Variants in TCF25 observed in about 807,000 individuals in gnomAD.
TCF25 encodes ribosome quality control complex subunit TCF25.
TCF25 carries 41 observed loss-of-function variants against 83.1 expected under a neutral mutation model. That is an observed-to-expected ratio of 0.49 (90% CI 0.38 to 0.64). The LOEUF (loss-of-function observed/expected upper bound fraction) is 0.64, where lower values mean the gene tolerates loss of function less well. TCF25 is among the 30% of genes least tolerant of loss of function. The pLI is 0.00. For missense variants in TCF25, 979 were observed against 914.5 expected (o/e 1.07, Z -0.91); for synonymous variants, 458 against 365.0 (o/e 1.25, Z -2.90).
chr16:89,875,079 AAC>A (rs2042074772), intron 1 of TCF25, among the ~76,000 whole-genome samples: 1 of 152,180 alleles, frequency 6.6e-6, no homozygotes, highest in Non-Finnish European at 1.5e-5. Flanking sequence ...AGCTCACTGC[AAC>A]CTTGAACTCC....
At chr16:89,892,331 C>A (rs1279590858) in intron 6 of TCF25, 56 bp downstream of exon 6, 40 of 1,545,276 alleles carry the variant, frequency 2.6e-5, no homozygotes, top group Non-Finnish European at 3.4e-5. Flanking sequence ...TGTCTGTGCA[C>A]TGGCCCCGGT....
intron 12 of TCF25, 123 bp from the exon 13 acceptor site, chr16:89,903,995 C>T: frequency 1.0e-6 from 1 of 973,684 alleles, no homozygotes; most frequent in Non-Finnish European, 1.5e-6. Context: ...GCCCTGCAGA[C>T]TCTCCACCTT....
rs1370751340 is a variant in TCF25 at position 89,908,940 on chromosome 16, G to C, written c.1799+1618G>C. 6 of 1,289,392 alleles carry C rather than the reference G, an allele frequency of 4.7e-6. No individual in the cohort carries two copies. The Admixed American group carries it at 1.1e-4, about 25-fold the overall frequency. The allele number at this position is 1,289,392 out of a possible 1,614,324, so 79.9% of individuals were successfully genotyped here. ...CCAGATGCTGAGAGATGGGGCTCAG[G>C]GCTAAGTGGGTCTTTCCCCTCACAG... On this transcript the variant is annotated intron_variant, in intron 16 of 17. Transcript: ENST00000263346.
intron 1 of TCF25, among the ~76,000 whole-genome samples, chr16:89,876,927 TAAAA>T (rs71137687): frequency 5.9e-5 from 4 of 68,006 alleles, no homozygotes; most frequent in Non-Finnish European, 7.9e-5. Flanking sequence ...AGACTCCATC[TAAAA>T]AAAAAAAAAA....
intron 15 of TCF25, 103 bp downstream of exon 15, chr16:89,906,387 C>G: frequency 8.7e-7 from 1 of 1,148,444 alleles, no homozygotes; most frequent in Non-Finnish European, 1.3e-6. Flanking sequence ...TGCGGGCTCC[C>G]TCAGCAGCCC....
At chr16:89,899,014 T>G (rs1345178474) in intron 11 of TCF25, 142 bp downstream of exon 11, 1 of 801,084 alleles carries the variant, frequency 1.2e-6, no homozygotes, top group African/African-American at 1.7e-5. Flanking sequence ...TCCTCCTGCC[T>G]TGTTTGTCTC....
At position 89,884,472 on chromosome 16, in the gene TCF25, G is replaced by GGA. The variant is rs1317686737; in HGVS notation, c.355-106_355-105dup. 4.6e-6 allele frequency: 5 copies of GGA among 1,085,648 alleles called. No individual in the cohort carries two copies. In the African/African-American group the frequency reaches 8.0e-5, roughly 17 times the overall value. 67.3% of individuals were successfully genotyped at this position (1,085,648 alleles called of 1,614,324 possible). A position where few individuals can be genotyped will look rare whatever the true frequency, so the allele number is the denominator to read the frequency against. ...TTGAAGGAACTTTTGGGACACGGAGGGAGAGGTAGGGGCTGCTTAGGTGAG... is the reference window on the plus strand; with the variant it reads ...TTGAAGGAACTTTTGGGACACGGAGGGAGAGAGGTAGGGGCTGCTTAGGTGAG... On this transcript the variant is annotated intron_variant, in intron 2 of 17. Coordinates refer to ENST00000263346, the MANE Select transcript of TCF25 (RefSeq NM_014972.3).
At chr16:89,908,591 GCTCCCGC>G (rs140223458) in intron 16 of TCF25, among the ~76,000 whole-genome samples, 9 of 6,194 alleles carry the variant, frequency 1.5e-3, no homozygotes, top group Admixed American at 2.1e-3. Flanking sequence ...CCACCTCCCA[GCTCCCGC>G]CTCCCTCCTC....
At chr16:89,882,051 C>T (rs969490848) in intron 1 of TCF25, among the ~76,000 whole-genome samples, 8 of 152,208 alleles carry the variant, frequency 5.3e-5, no homozygotes, top group Admixed American at 6.5e-5. Context: ...CCACCGTGCC[C>T]GGTCAGCCTC....
intron 11 of TCF25, 51 bp downstream of exon 11, chr16:89,898,923 C>T (rs2044103021): frequency 1.3e-6 from 2 of 1,556,910 alleles, no homozygotes; most frequent in South Asian, 1.1e-5. Context: ...CCTGCTTCTC[C>T]TTCTGTTTTC....
rs1266758666 is a variant in TCF25, at chr16:89,907,376, T to TCCCTCC, written c.1799+54_1799+55insCCCTCC. ...CCAGCTCCCACCTCCCTCCTCCCAGTTCCCAGCTCCCAGCTCCCACCTCCC... is the reference window on the plus strand; with the variant it reads ...CCAGCTCCCACCTCCCTCCTCCCAGTCCCTCCTCCCAGCTCCCAGCTCCCACCTCCC... On this transcript the variant is annotated intron_variant, in intron 16 of 17. Transcript: ENST00000263346. The TCCCTCC allele has an allele frequency of 1.5e-4, 28 of 190,150 alleles. 1 individual carries two copies. The highest frequency in any genetic ancestry group is 3.2e-4 in the South Asian group (3 of 9,398). The allele number at this position is 190,150 out of a possible 1,614,324, so 11.8% of individuals were successfully genotyped here. A position where few individuals can be genotyped will look rare whatever the true frequency, so the allele number is the denominator to read the frequency against.
chr16:89,909,092 GAC>G (rs771249121), intron 16 of TCF25: 7 of 1,289,384 alleles, frequency 5.4e-6, no homozygotes, highest in Middle Eastern at 2.1e-4. Flanking sequence ...AGGTGCGAGT[GAC>G]ACAGTGGAAG....
intron 1 of TCF25, among the ~76,000 whole-genome samples, chr16:89,883,118 C>T (rs2042729174): frequency 6.6e-6 from 1 of 152,086 alleles, no homozygotes; most frequent in African/African-American, 2.4e-5. Context: ...AGAGATACCC[C>T]ATAGCCTCGG....
chr16:89,885,220 C>T (rs1033099411), intron 3 of TCF25, among the ~76,000 whole-genome samples: 1 of 152,182 alleles, frequency 6.6e-6, no homozygotes, highest in Non-Finnish European at 1.5e-5. Flanking sequence ...ACTAAGAGAT[C>T]AGGGAAAAAG....
chr16:89,902,700 A>G (rs1005410450), intron 12 of TCF25, among the ~76,000 whole-genome samples: 1 of 143,358 alleles, frequency 7.0e-6, no homozygotes, highest in Non-Finnish European at 1.6e-5. Flanking sequence ...AAAAAAAAGA[A>G]AAAAAAAAAA....
chr16:89,876,384 T>C (rs1231675771), intron 1 of TCF25, among the ~76,000 whole-genome samples: 6 of 152,240 alleles, frequency 3.9e-5, no homozygotes, highest in Non-Finnish European at 7.3e-5. Flanking sequence ...ACTAAATGGT[T>C]ATGAATGTGA....
intron 16 of TCF25, among the ~76,000 whole-genome samples, chr16:89,907,598 ACCTCCCAGCTCCCACCTCCCAGCTCCCG>A (rs2044987755): frequency 1.1e-5 from 1 of 94,390 alleles, no homozygotes; most frequent in Non-Finnish European, 2.2e-5. Flanking sequence ...CCCAGTTCCC[ACCTCCCAGCTCCCACCTCCCAGCTCCCG>A]CCTCCCTCAT....
intron 9 of TCF25, 67 bp downstream of exon 9, chr16:89,896,150 G>A (rs2043833167): frequency 2.0e-6 from 3 of 1,490,718 alleles, no homozygotes; most frequent in South Asian, 2.3e-5. Context: ...GGCTGGGGGA[G>A]GTGCAGTGGG....
chr16:89,875,214 C>G (rs974536493), intron 1 of TCF25, among the ~76,000 whole-genome samples: 3 of 152,148 alleles, frequency 2.0e-5, no homozygotes, highest in Non-Finnish European at 4.4e-5. Flanking sequence ...AAAATGATAT[C>G]ACATTATTTT....
Sources: allele counts gnomAD v4.1 joint callset (sites outside exome capture counted in the v4.1 genomes callset), GRCh38; gene constraint gnomAD v4.1.1; transcripts MANE v1.5; gene names NCBI Gene and HGNC (gene_info 2026-07-23, HGNC 2026-07-21).